Variants in ABCC2 observed in about 807,000 individuals in gnomAD.
ABCC2 encodes the protein ATP binding cassette subfamily C member 2.
A neutral mutation model predicts 173.4 loss-of-function variants in ABCC2; 157 were observed. The observed-to-expected ratio is 0.91, with a 90% confidence interval of 0.80 to 1.03. The LOEUF (loss-of-function observed/expected upper bound fraction) is 1.03. Ranked by LOEUF, ABCC2 falls within the 50% of genes least tolerant of loss-of-function variation. The pLI is 0.00. For synonymous variants in ABCC2, 657 were observed against 693.5 expected (o/e 0.95, Z 0.83); for missense variants, 1,822 against 1,852.3 (o/e 0.98, Z 0.30).
intron 19 of ABCC2, among the ~76,000 whole-genome samples, chr10:99,828,973 G>A (rs2133107477): frequency 6.6e-6 from 1 of 151,516 alleles, no homozygotes; most frequent in South Asian, 2.1e-4. Context: ...AGAGAGATCA[G>A]AGACCCTGTG....
intron 27 of ABCC2, among the ~76,000 whole-genome samples, chr10:99,844,101 C>G (rs531056485): frequency 2.6e-5 from 4 of 152,216 alleles, no homozygotes; most frequent in African/African-American, 7.2e-5. Context: ...TGCAACATAC[C>G]GAGGAGATCT....
rs757000755 is a variant in ABCC2 at position 99,800,389 on chromosome 10, G to A, written c.1035G>A (p.Leu345=). The change falls in exon 9 of 32, where the codon TTG becomes TTA. Residue 345 remains leucine, a synonymous_variant. Transcript: ENST00000647814. ...FTFVSPQLLK[L]LISFASDRDT... is the part of the protein sequence containing the mutation. The stretch of plus-strand genomic sequence containing the variant: ...TAACTTGGCTTTTCTCTGGCAGATT[G>A]CTGATCTCCTTTGCAAGTGACCGTG... 1.2e-6 allele frequency: 2 copies of A among 1,614,124 alleles called. No individual in the cohort carries two copies. The highest frequency in any genetic ancestry group is 3.3e-5 in the Admixed American group (2 of 60,020).
At chr10:99,849,897 TTA>T (rs1338589141) in intron 30 of ABCC2, among the ~76,000 whole-genome samples, 1 of 152,216 alleles carries the variant, frequency 6.6e-6, no homozygotes, top group African/African-American at 2.4e-5. Flanking sequence ...CAAAGCTTCT[TTA>T]TGTTAGGTAA....
chr10:99,811,368 G>A (rs934575000), intron 14 of ABCC2, among the ~76,000 whole-genome samples, 168 bp from the exon 15 acceptor site: 1 of 151,968 alleles, frequency 6.6e-6, no homozygotes. Flanking sequence ...GCCACTTCTG[G>A]TCTCATGGTC....
chr10:99,793,780 G>C (rs895515064), intron 4 of ABCC2, 95 bp downstream of exon 4: 1 of 1,583,636 alleles, frequency 6.3e-7, no homozygotes, highest in African/African-American at 1.3e-5. Flanking sequence ...GGATCGAATT[G>C]TATTAGAGGG....
intron 19 of ABCC2, among the ~76,000 whole-genome samples, chr10:99,820,981 A>C (rs1362871818): frequency 2.0e-5 from 3 of 152,162 alleles, no homozygotes; most frequent in East Asian, 1.9e-4. Context: ...TTCCCTTAGT[A>C]TTTATTGATC....
chr10:99,797,479 AC>A (rs2037939040), intron 7 of ABCC2, 148 bp downstream of exon 7: 2 of 730,166 alleles, frequency 2.7e-6, no homozygotes, highest in Non-Finnish European at 4.9e-6. Flanking sequence ...CAATACTGAT[AC>A]TACCTTAGTG....
At chr10:99,810,480 T>A (rs1171841913) in intron 14 of ABCC2, among the ~76,000 whole-genome samples, 1 of 152,156 alleles carries the variant, frequency 6.6e-6, no homozygotes, top group Non-Finnish European at 1.5e-5. Context: ...AAAGCAGAAG[T>A]CAGGATAGAG....
chr10:99,809,898 G>A (rs569306116), intron 13 of ABCC2, among the ~76,000 whole-genome samples: 11 of 152,306 alleles, frequency 7.2e-5, no homozygotes, highest in South Asian at 2.1e-4. Flanking sequence ...AATTAGGGCC[G>A]AAGACTGGAG....
chr10:99,824,836 CAGG>C (rs1437172031), intron 19 of ABCC2, among the ~76,000 whole-genome samples: 1 of 123,874 alleles, frequency 8.1e-6, no homozygotes, highest in Non-Finnish European at 1.7e-5. Flanking sequence ...ATTACAAACA[CAGG>C]AGAATTCCAA....
chr10:99,842,081 C>T lies in ABCC2; in HGVS notation c.3729C>T (p.Ser1243=). The T allele has an allele frequency of 6.2e-7, 1 of 1,614,092 alleles. No homozygotes were observed. The stretch of plus-strand genomic sequence containing the variant: ...GGGACACTGTTGGCTTTGTTCTGTC[C>T]AATGCACTCAATGTGAGTTTGAAGG... ...LSGDTVGFVL[S]NALNITQTLN... The change falls in exon 26 of 32, where the codon TCC becomes TCT. Residue 1243 remains serine, a synonymous_variant. Transcript: ENST00000647814.
chr10:99,822,566 A>G (rs1306134339), intron 19 of ABCC2, among the ~76,000 whole-genome samples: 8 of 151,428 alleles, frequency 5.3e-5, no homozygotes, highest in Non-Finnish European at 2.9e-5. Flanking sequence ...CCCCCACGTT[A>G]TCACCTTCCC....
intron 30 of ABCC2, 61 bp downstream of exon 30, chr10:99,847,188 C>CGT (rs2039031068): frequency 6.3e-7 from 1 of 1,575,292 alleles, no homozygotes; most frequent in South Asian, 1.1e-5. Flanking sequence ...GGCCACTCCT[C>CGT]GTGTTCCTCG....
intron 7 of ABCC2, 25 bp from the exon 8 acceptor site, chr10:99,799,182 C>T (rs775517724): frequency 6.2e-7 from 1 of 1,613,322 alleles, no homozygotes; most frequent in Admixed American, 1.7e-5. Context: ...ACTCTGTGGA[C>T]ACTGTTGTTT....
intron 1 of ABCC2, 22 bp from the exon 2 acceptor site, chr10:99,784,586 A>G: frequency 1.2e-6 from 2 of 1,613,262 alleles, no homozygotes; most frequent in Non-Finnish European, 1.7e-6. Context: ...GTATGCAACA[A>G]TCCTTCCCCT....
Position 99,792,260 on chromosome 10 carries a change from A to G in ABCC2, c.234A>G (p.Leu78=), listed in dbSNP as rs751866920. 9.3e-6 allele frequency: 15 copies of G among 1,614,076 alleles called. 1 individual carries two copies. The East Asian group carries it at 1.8e-4, about 19-fold the overall frequency. The part of the protein sequence containing the change: ...KQVFVGFLLI[L]AAIELALVLT... ...TATTCGTTGGTTTTCTTCTTATTCTAGCAGCCATAGAGCTGGCCCTTGTAC... is the reference window on the plus strand; with the variant it reads ...TATTCGTTGGTTTTCTTCTTATTCTGGCAGCCATAGAGCTGGCCCTTGTAC... The change falls in exon 3 of 32, where the codon CTA becomes CTG. Residue 78 remains leucine, a synonymous_variant. Transcript: ENST00000647814.
At chr10:99,825,113 T>C (rs200777388) in intron 19 of ABCC2, among the ~76,000 whole-genome samples, 728 of 120,848 alleles carry the variant, frequency 6.0e-3, no homozygotes, top group Middle Eastern at 0.023. Flanking sequence ...TCCTGGTATA[T>C]ATCCCATCTT....
At chr10:99,812,056 T>C (rs1227446930) in intron 15 of ABCC2, among the ~76,000 whole-genome samples, 3 of 152,352 alleles carry the variant, frequency 2.0e-5, no homozygotes, top group Non-Finnish European at 4.4e-5. Flanking sequence ...CCATGTGTAA[T>C]AGCACACCCA....
rs773850184 is a variant in ABCC2, at chr10:99,819,092, C to T, written c.2443C>T (p.Arg815Ter). The T allele has an allele frequency of 8.1e-6, 13 of 1,613,972 alleles. No homozygotes were observed. In the East Asian group the frequency reaches 1.8e-4, roughly 22 times the overall value. Residue 815 changes from arginine (R) to a stop codon, truncating the protein, a stop_gained, in exon 19 of 32, where the codon CGA becomes TGA. Transcript: ENST00000647814. LOFTEE classifies it high-confidence loss of function. ...GPNGLLKGKT[R>*]LLVTHSMHFL... ...CAACTTCATATTATTTTTATAGACT[C>T]GACTCTTGGTTACACATAGCATGCA...
Sources: allele counts gnomAD v4.1 joint callset (sites outside exome capture counted in the v4.1 genomes callset), GRCh38; gene constraint gnomAD v4.1.1; transcripts MANE v1.5; gene names NCBI Gene and HGNC (gene_info 2026-07-23, HGNC 2026-07-21).